The following SHLD1 variants were observed in gnomAD, a reference collection of about 807,000 sequenced individuals.
SHLD1 encodes the protein RINN1-REV7-interacting novel NHEJ regulator 3.
In SHLD1, 3 loss-of-function variants were observed where a neutral mutation model predicts 5.5. The ratio of observed to expected loss-of-function variants is 0.54; its 90% CI spans 0.25 to 1.40. SHLD1 has a LOEUF of 1.40. Among genes scored for constraint, SHLD1 ranks in the 40% most tolerant of loss-of-function variants. The probability of loss-of-function intolerance (pLI) is 0.15; values close to 1 mark genes in which losing one functional copy is unlikely to be tolerated. For missense variants in SHLD1, 210 were observed against 244.4 expected (o/e 0.86, Z 0.94); for synonymous variants, 92 against 94.3 (o/e 0.98, Z 0.14).
intron 2 of SHLD1, among the ~76,000 whole-genome samples, chr20:5,846,919 T>A (rs995160851): frequency 2.6e-5 from 4 of 152,194 alleles, no homozygotes; most frequent in African/African-American, 9.6e-5. Context: ...CTCAGTTTCA[T>A]GGAAAAGAAG....
intron 2 of SHLD1, among the ~76,000 whole-genome samples, chr20:5,860,876 T>TAAAAAAAAAAAA (rs10555301): frequency 2.0e-5 from 2 of 100,786 alleles, no homozygotes; most frequent in Non-Finnish European, 3.8e-5. Flanking sequence ...TACTATTCTT[T>TAAAAAAAAAAAA]AAAAAAAAAA....
At chr20:5,810,447 T>C (rs1774428616) in intron 2 of SHLD1, among the ~76,000 whole-genome samples, 1 of 152,082 alleles carries the variant, frequency 6.6e-6, no homozygotes, top group Non-Finnish European at 1.5e-5. Context: ...TTTTGTGAAA[T>C]GAGAGCATTT....
intron 2 of SHLD1, among the ~76,000 whole-genome samples, chr20:5,814,156 A>G (rs1246325993): frequency 2.0e-5 from 3 of 151,468 alleles, no homozygotes; most frequent in African/African-American, 7.3e-5. Flanking sequence ...GGGTTTCTCC[A>G]TGTTGCCAAG....
intron 2 of SHLD1, among the ~76,000 whole-genome samples, chr20:5,849,043 T>C (rs919510281): frequency 3.3e-5 from 5 of 152,204 alleles, no homozygotes; most frequent in Non-Finnish European, 7.3e-5. Context: ...TCTCACTTTG[T>C]GAGGATGTGG....
At chr20:5,762,310 A>G (rs1400270215) in intron 1 of SHLD1, among the ~76,000 whole-genome samples, 3 of 151,972 alleles carry the variant, frequency 2.0e-5, no homozygotes, top group African/African-American at 7.3e-5. Flanking sequence ...CTCTCTTTAG[A>G]TTTTTCACAA....
intron 1 of SHLD1, among the ~76,000 whole-genome samples, chr20:5,753,858 G>C (rs1021705601): frequency 3.9e-5 from 6 of 152,080 alleles, no homozygotes; most frequent in Non-Finnish European, 7.4e-5. Flanking sequence ...TGCCCCAAAT[G>C]GGGGAGATCC....
intron 2 of SHLD1, among the ~76,000 whole-genome samples, chr20:5,827,419 C>T (rs187873625): frequency 2.0e-5 from 3 of 152,332 alleles, no homozygotes; most frequent in African/African-American, 7.2e-5. Context: ...AGGGTGGAGA[C>T]GGGGAGAGCA....
intron 1 of SHLD1, among the ~76,000 whole-genome samples, chr20:5,752,349 T>A (rs1246874757): frequency 6.7e-6 from 1 of 149,976 alleles, no homozygotes; most frequent in Non-Finnish European, 1.5e-5. Flanking sequence ...TGAGCTGAGA[T>A]CGCACTACTG....
At chr20:5,758,283 T>G in intron 1 of SHLD1, among the ~76,000 whole-genome samples, 1 of 115,590 alleles carries the variant, frequency 8.7e-6, no homozygotes, top group Non-Finnish European at 1.7e-5. Flanking sequence ...TGTTTCTTGG[T>G]GGTAATTAAT....
chr20:5,756,685 CTT>C, intron 1 of SHLD1: 3 of 146,712 alleles, frequency 2.0e-5, no homozygotes, highest in Non-Finnish European at 4.3e-5. Context: ...TTCTTTCTTT[CTT>C]TCTTTTTTTT....
At chr20:5,843,374 C>G (rs1600172629) in intron 2 of SHLD1, among the ~76,000 whole-genome samples, 1 of 150,426 alleles carries the variant, frequency 6.6e-6, no homozygotes, top group Non-Finnish European at 1.5e-5. Flanking sequence ...TCTCTCTCTA[C>G]CCAGAGCCAA....
chr20:5,811,821 A>G (rs2087462107), intron 2 of SHLD1, among the ~76,000 whole-genome samples: 2 of 151,750 alleles, frequency 1.3e-5, no homozygotes, highest in Admixed American at 6.6e-5. Flanking sequence ...ATGCCACTGC[A>G]CTCCAGCCTG....
At chr20:5,805,546 A>G (rs1478952240) in intron 2 of SHLD1, among the ~76,000 whole-genome samples, 2 of 152,174 alleles carry the variant, frequency 1.3e-5, no homozygotes, top group African/African-American at 2.4e-5. Context: ...TTTGGGGCAG[A>G]CAACAAAATA....
At chr20:5,821,348 A>T (rs1308021487) in intron 2 of SHLD1, among the ~76,000 whole-genome samples, 1 of 151,848 alleles carries the variant, frequency 6.6e-6, no homozygotes, top group Non-Finnish European at 1.5e-5. Flanking sequence ...CCCCGTTTCT[A>T]CTAAAAATAC....
At chr20:5,829,848 T>C (rs562722400) in intron 2 of SHLD1, among the ~76,000 whole-genome samples, 54 of 150,492 alleles carry the variant, frequency 3.6e-4, no homozygotes, top group African/African-American at 1.3e-3. Context: ...TATAATTTAT[T>C]CTACCCTTCT....
chr20:5,773,437 G>T (rs939210280), intron 2 of SHLD1: 4 of 434,144 alleles, frequency 9.2e-6, no homozygotes, highest in Non-Finnish European at 1.7e-5. Flanking sequence ...TAAAAATAGA[G>T]ACTTTAGCAT....
At chr20:5,860,173 C>T (rs1286339640) in intron 2 of SHLD1, among the ~76,000 whole-genome samples, 1 of 151,456 alleles carries the variant, frequency 6.6e-6, no homozygotes, top group Non-Finnish European at 1.5e-5. Flanking sequence ...AGGGACCCTT[C>T]ATCCTGCCAT....
intron 1 of SHLD1, among the ~76,000 whole-genome samples, chr20:5,758,132 C>T (rs1401979744): frequency 6.6e-6 from 1 of 151,468 alleles, no homozygotes; most frequent in Admixed American, 6.6e-5. Flanking sequence ...GAGGGAGATG[C>T]ACCTCTGCTG....
chr20:5,788,497 TG>T (rs1201262391), intron 2 of SHLD1, among the ~76,000 whole-genome samples: 8 of 152,004 alleles, frequency 5.3e-5, no homozygotes, highest in African/African-American at 1.9e-4. Context: ...GGCCTGGAGG[TG>T]GTGCCTGGCG....
Sources: gnomAD v4.1 joint callset for allele counts (sites outside exome capture counted in the v4.1 genomes callset) on GRCh38, gnomAD v4.1.1 for gene constraint, MANE v1.5 for transcripts, NCBI Gene and HGNC (gene_info 2026-07-23, HGNC 2026-07-21) for gene names.